Variants in FIGN observed in about 807,000 individuals in gnomAD.
FIGN encodes fidgetin.
In FIGN, 11 loss-of-function variants were observed where a neutral mutation model predicts 51.3. That is an observed-to-expected ratio of 0.21 (90% CI 0.13 to 0.35). The LOEUF (loss-of-function observed/expected upper bound fraction) is 0.35. Ranked by LOEUF, FIGN falls within the 10% of genes least tolerant of loss-of-function variation. The pLI is 1.00. For synonymous variants in FIGN, 407 were observed against 363.2 expected, an observed-to-expected ratio of 1.12 and a Z score of -1.37; for missense variants, 857 against 943.6, an observed-to-expected ratio of 0.91 and a Z score of 1.20.
At chr2:163,660,807 A>ATACATATATATG (rs1683651169) in intron 2 of FIGN, among the ~76,000 whole-genome samples, 1 of 92,788 alleles carries the variant, frequency 1.1e-5, no homozygotes, top group African/African-American at 4.5e-5. Context: ...AGATATACAT[A>ATACATATATATG]TATATACATA....
intron 2 of FIGN, among the ~76,000 whole-genome samples, chr2:163,714,758 C>T (rs1684643061): frequency 6.6e-6 from 1 of 152,180 alleles, no homozygotes; most frequent in Non-Finnish European, 1.5e-5. Context: ...CCTAAAGCAG[C>T]TTCTTGAAAA....
chr2:163,616,343 T>A (rs1682877496), intron 2 of FIGN, among the ~76,000 whole-genome samples: 1 of 152,068 alleles, frequency 6.6e-6, no homozygotes, highest in Non-Finnish European at 1.5e-5. Context: ...AAATAAAAGG[T>A]TAGGTCTTCT....
intron 2 of FIGN, among the ~76,000 whole-genome samples, chr2:163,627,898 C>T (rs1683081177): frequency 6.6e-6 from 1 of 152,148 alleles, no homozygotes; most frequent in African/African-American, 2.4e-5. Flanking sequence ...CAGTGAGTTC[C>T]CTTCTTCTCT....
intron 2 of FIGN, among the ~76,000 whole-genome samples, chr2:163,629,285 T>C (rs538436370): frequency 4.1e-4 from 63 of 152,286 alleles, no homozygotes; most frequent in African/African-American, 1.5e-3. Flanking sequence ...AGTGTTTAAT[T>C]GTAGCACATA....
At chr2:163,652,032 A>T (rs1486307857) in intron 2 of FIGN, among the ~76,000 whole-genome samples, 2 of 152,206 alleles carry the variant, frequency 1.3e-5, no homozygotes, top group Non-Finnish European at 2.9e-5. Flanking sequence ...TCCAGTTAGG[A>T]AGTTCAAATG....
At chr2:163,707,522 T>A (rs1198451519) in intron 2 of FIGN, among the ~76,000 whole-genome samples, 1 of 152,136 alleles carries the variant, frequency 6.6e-6, no homozygotes, top group South Asian at 2.1e-4. Flanking sequence ...AATTTAAGTG[T>A]TTTTAGTAAA....
At position 163,734,628 on chromosome 2, in the gene FIGN, T is replaced by C. The variant is rs189523008; in HGVS notation, c.25+275A>G. ...ATACTATTTGACTTCAGCAGTTATA[T>C]ATATATAGTGCATTACTAGTAACGT... On this transcript the variant is annotated intron_variant, in intron 2 of 2. Coordinates refer to ENST00000333129, the MANE Select transcript of FIGN (RefSeq NM_018086.4). 1.2e-3 allele frequency among the ~76,000 whole-genome samples: 174 copies of C among 149,236 alleles called. 1 individual carries two copies. Among genetic ancestry groups the C allele is most frequent in the African/African-American group, 4.0e-3 (163 of 40,498 alleles).
chr2:163,718,668 A>G (rs1280820819), intron 2 of FIGN, among the ~76,000 whole-genome samples: 1 of 152,188 alleles, frequency 6.6e-6, no homozygotes. Context: ...TATGAACTGT[A>G]TGGGTCCTTT....
Position 163,645,268 on chromosome 2 carries a change from T to C in FIGN, c.26-33462A>G, listed in dbSNP as rs528984793. ...GGAAAAGAAGAGAGGTGTGCCTAGA[T>C]CATGAAAGCGGAATGTAATAATGGT... is the stretch of plus-strand genomic sequence containing the variant. On this transcript the variant is annotated intron_variant, in intron 2 of 2. Transcript: ENST00000333129. Among the ~76,000 whole-genome samples the C allele has an allele frequency of 7.9e-5, 12 of 152,140 alleles. No individual in the cohort carries two copies. In the East Asian group the frequency reaches 2.3e-3, roughly 29 times the overall value.
At chr2:163,704,656 T>TCA (rs369275881) in intron 2 of FIGN, among the ~76,000 whole-genome samples, 95 of 129,788 alleles carry the variant, frequency 7.3e-4, no homozygotes, top group African/African-American at 2.6e-3. Context: ...TCTCTCTCTC[T>TCA]CACACACACA....
At chr2:163,628,787 G>T (rs1683097069) in intron 2 of FIGN, among the ~76,000 whole-genome samples, 1 of 152,106 alleles carries the variant, frequency 6.6e-6, no homozygotes, top group Admixed American at 6.6e-5. Flanking sequence ...CTGTCCATTG[G>T]CTAACAAAGA....
At chr2:163,733,202 G>A (rs1460671) in intron 2 of FIGN, among the ~76,000 whole-genome samples, 81,882 of 151,978 alleles carry the variant, frequency 0.54, 25,492 homozygotes, top group Admixed American at 0.68. Flanking sequence ...AATGAATTAT[G>A]TGACTATTAT....
At chr2:163,729,420 A>C (rs1262018377) in intron 2 of FIGN, among the ~76,000 whole-genome samples, 1 of 152,090 alleles carries the variant, frequency 6.6e-6, no homozygotes, top group African/African-American at 2.4e-5. Flanking sequence ...AAAAGAAAAC[A>C]TTTTATAGGT....
At position 163,610,585 on chromosome 2, in the gene FIGN, C is replaced by T. The variant is rs1168139432; in HGVS notation, c.1247G>A (p.Ser416Asn). 1 of 1,614,200 alleles carries T rather than the reference C, an allele frequency of 6.2e-7. No homozygotes were observed. The highest frequency in any genetic ancestry group is 1.7e-5 in the Admixed American group (1 of 60,022). Residue 416 changes from serine to asparagine, a missense_variant, in exon 3 of 3, where the codon AGT becomes AAT. This residue lies in a region of FIGN where 799 missense variants were observed against 849.5 expected (regional missense o/e 0.94). Coordinates refer to ENST00000333129, the MANE Select transcript of FIGN (RefSeq NM_018086.4). ...CGATGTGTACTTCCCAAAGGATTCA[C>T]TGGATCTTGATCCCAATGAATTTTT... ...TAKNSLGSRS[S>N]ESFGKYTSPV...
chr2:163,620,434 T>A (rs1390113305), intron 2 of FIGN, among the ~76,000 whole-genome samples: 2 of 152,160 alleles, frequency 1.3e-5, no homozygotes, highest in Non-Finnish European at 2.9e-5. Context: ...CTACCCTTGT[T>A]CTGCAGTATC....
chr2:163,656,921 G>T (rs1032282942), intron 2 of FIGN, among the ~76,000 whole-genome samples: 2 of 152,036 alleles, frequency 1.3e-5, no homozygotes, highest in African/African-American at 4.8e-5. Context: ...CCAGCTGTTG[G>T]CTACTACAGA....
chr2:163,637,628 G>A (rs926971092), intron 2 of FIGN, among the ~76,000 whole-genome samples: 1 of 151,438 alleles, frequency 6.6e-6, no homozygotes, highest in African/African-American at 2.4e-5. Context: ...CAAGTTTTTG[G>A]CTTCTCAAAA....
rs570815471 is a variant in FIGN, at chr2:163,609,645, A to G, written c.2187T>C (p.Phe729=). 48 of 1,614,098 alleles carry G rather than the reference A, an allele frequency of 3.0e-5. No individual in the cohort carries two copies. In the East Asian group the frequency reaches 8.2e-4, roughly 28 times the overall value. ...GCTGAATCTTGCAGAAAGCATTTTC[A>G]AAGTCTTGATATGTAACGGGCCTCA... ...SQLRPVTYQD[F]ENAFCKIQPS... The change falls in exon 3 of 3, where the codon TTT becomes TTC. Residue 729 remains phenylalanine (F), a synonymous_variant. Transcript: ENST00000333129.
chr2:163,630,116 T>C (rs979850892), intron 2 of FIGN, among the ~76,000 whole-genome samples: 4 of 151,508 alleles, frequency 2.6e-5, no homozygotes, highest in African/African-American at 9.7e-5. Context: ...AGGCACATGC[T>C]ACCCATGCCT....
Sources: gnomAD v4.1 joint callset for allele counts (sites outside exome capture counted in the v4.1 genomes callset) on GRCh38, gnomAD v4.1.1 for gene constraint, gnomAD v4.1.1 regional missense constraint, MANE v1.5 for transcripts, NCBI Gene and HGNC (gene_info 2026-07-23, HGNC 2026-07-21) for gene names.